Variants in R3HDM2 observed in about 807,000 individuals in gnomAD.
The protein encoded by R3HDM2 is R3H domain-containing protein 2.
Under a neutral mutation model 124.5 loss-of-function variants are expected in R3HDM2, and 38 were observed. That is an observed-to-expected ratio of 0.31 (90% CI 0.24 to 0.40). The LOEUF (loss-of-function observed/expected upper bound fraction) is 0.40, where lower values mean the gene tolerates loss of function less well. R3HDM2 is among the 10% of genes least tolerant of loss of function. The pLI is 1.00. For missense variants in R3HDM2, 869 were observed against 1,236.9 expected (o/e 0.70, Z 4.46); for synonymous variants, 391 against 448.0 (o/e 0.87, Z 1.61).
At chr12:57,284,094 C>A in intron 12 of R3HDM2, 38 bp from the exon 13 acceptor site, 1 of 1,524,560 alleles carries the variant, frequency 6.6e-7, no homozygotes, top group African/African-American at 1.4e-5. Flanking sequence ...CTCCCACCCA[C>A]CACTTTAGCA....
chr12:57,417,050 G>A (rs945282194), intron 1 of R3HDM2, among the ~76,000 whole-genome samples: 5 of 151,656 alleles, frequency 3.3e-5, no homozygotes, highest in Admixed American at 1.3e-4. Flanking sequence ...CCCAGGAGGC[G>A]GAGGTTGCAG....
chr12:57,344,430 G>A (rs1229977968), intron 2 of R3HDM2, among the ~76,000 whole-genome samples: 1 of 152,104 alleles, frequency 6.6e-6, no homozygotes, highest in Non-Finnish European at 1.5e-5. Flanking sequence ...AATTTTCCAG[G>A]ATACAATCTA....
Position 57,407,012 on chromosome 12 carries a change from G to A in R3HDM2, c.-105-11194C>T, listed in dbSNP as rs1023608537. Among the ~76,000 whole-genome samples, 10 of 152,196 alleles carry A rather than the reference G, an allele frequency of 6.6e-5. No homozygotes were observed. The East Asian group carries it at 1.7e-3, about 26-fold the overall frequency. ...GCCTGTAATCCCAGCACTTTGAGAG[G>A]CCAAGGCGGGCGGATTGCTTGCGGT... On this transcript the variant is annotated intron_variant, in intron 1 of 23. Coordinates refer to ENST00000402412, the MANE Select transcript of R3HDM2 (RefSeq NM_001394031.1).
intron 3 of R3HDM2, among the ~76,000 whole-genome samples, chr12:57,309,257 C>T (rs2053409185): frequency 6.6e-6 from 1 of 152,192 alleles, no homozygotes; most frequent in Non-Finnish European, 1.5e-5. Flanking sequence ...TGTTAATTGT[C>T]TGTCTCTTGA....
intron 2 of R3HDM2, among the ~76,000 whole-genome samples, chr12:57,379,972 C>T (rs1383860472): frequency 6.6e-6 from 1 of 152,116 alleles, no homozygotes; most frequent in East Asian, 1.9e-4. Context: ...TACCTGTCTA[C>T]ATAGGCATAC....
intron 2 of R3HDM2, among the ~76,000 whole-genome samples, chr12:57,332,518 G>A (rs897798398): frequency 5.3e-5 from 8 of 151,074 alleles, no homozygotes; most frequent in African/African-American, 1.7e-4. Flanking sequence ...TTCTCAAAAC[G>A]GTCTGCTGCT....
At chr12:57,384,105 T>C (rs2065320573) in intron 2 of R3HDM2, among the ~76,000 whole-genome samples, 2 of 152,244 alleles carry the variant, frequency 1.3e-5, no homozygotes, top group South Asian at 2.1e-4. Flanking sequence ...CTCAAGCCTG[T>C]AATCCCAGCA....
At chr12:57,301,414 A>C (rs2138727532) in intron 4 of R3HDM2, among the ~76,000 whole-genome samples, 2 of 152,380 alleles carry the variant, frequency 1.3e-5, no homozygotes, top group Admixed American at 1.3e-4. Context: ...TAAGTAGTGC[A>C]GTATAGCAGA....
At chr12:57,396,518 C>T (rs1376733182) in intron 1 of R3HDM2, among the ~76,000 whole-genome samples, 1 of 151,882 alleles carries the variant, frequency 6.6e-6, no homozygotes, top group Non-Finnish European at 1.5e-5. Context: ...GTGGCGCACG[C>T]CTGTAATCCC....
intron 2 of R3HDM2, among the ~76,000 whole-genome samples, chr12:57,359,758 T>A (rs2061662098): frequency 6.9e-6 from 1 of 144,346 alleles, no homozygotes; most frequent in Non-Finnish European, 1.6e-5. Context: ...TTTTCTCTCA[T>A]CTTTTAGATT....
chr12:57,269,308 A>C lies in R3HDM2; in HGVS notation c.1714+15T>G. 1 of 1,612,942 alleles carries C rather than the reference A, an allele frequency of 6.2e-7. No individual in the cohort carries two copies. Among genetic ancestry groups the C allele is most frequent in the Non-Finnish European group, 8.5e-7 (1 of 1,179,734 alleles). ...CCCTTATTCACTGCCTTCTTAAACC[A>C]GTGGTTTCTCTTACCAGGCTGCTGG... On this transcript the variant is annotated intron_variant, in intron 16 of 23. Transcript: ENST00000402412.
chr12:57,358,865 T>A (rs1158883699), intron 2 of R3HDM2, among the ~76,000 whole-genome samples: 1 of 151,920 alleles, frequency 6.6e-6, no homozygotes, highest in Non-Finnish European at 1.5e-5. Flanking sequence ...TCCTCCCACC[T>A]CAGCACCCCG....
chr12:57,421,740 C>G (rs952460665), intron 1 of R3HDM2, among the ~76,000 whole-genome samples: 12 of 151,628 alleles, frequency 7.9e-5, no homozygotes, highest in African/African-American at 2.9e-4. Flanking sequence ...GAACTGGGCT[C>G]AAGAGATCCT....
intron 19 of R3HDM2, among the ~76,000 whole-genome samples, chr12:57,264,393 T>TAAA (rs55891769): frequency 6.8e-5 from 7 of 102,532 alleles, no homozygotes; most frequent in African/African-American, 2.6e-4. Flanking sequence ...CTGCCTCTAC[T>TAAA]AAAAAAAAAA....
chr12:57,383,717 A>G (rs2065251869), intron 2 of R3HDM2, among the ~76,000 whole-genome samples: 1 of 151,992 alleles, frequency 6.6e-6, no homozygotes, highest in South Asian at 2.1e-4. Context: ...CAAACAAACA[A>G]AATAATAATA....
intron 2 of R3HDM2, among the ~76,000 whole-genome samples, chr12:57,394,339 T>C (rs1457606271): frequency 1.3e-5 from 2 of 149,976 alleles, no homozygotes; most frequent in African/African-American, 4.9e-5. Flanking sequence ...GGCACGGTGG[T>C]GGCTCATGCC....
At chr12:57,396,200 G>A (rs148264571) in intron 1 of R3HDM2, among the ~76,000 whole-genome samples, 1,829 of 152,174 alleles carry the variant, frequency 0.012, 30 homozygotes, top group African/African-American at 0.042. Flanking sequence ...AGCACTTTGG[G>A]TGGCCGAGGC....
Position 57,429,878 on chromosome 12 carries a change from T to C in R3HDM2, c.-106+842A>G, listed in dbSNP as rs556049476. On this transcript the variant is annotated intron_variant, in intron 1 of 23. Transcript: ENST00000402412. ...AAAAATACAAGAAAATGCTAGGAAT[T>C]TGTGATATTCCTGAAGTGAAACCTG... Among the ~76,000 whole-genome samples, 31 of 152,262 alleles carry C rather than the reference T, an allele frequency of 2.0e-4. 2 individuals carry two copies. Among genetic ancestry groups the C allele is most frequent in the African/African-American group, 7.2e-4 (30 of 41,560 alleles).
At chr12:57,386,546 TCC>T (rs1045542681) in intron 2 of R3HDM2, among the ~76,000 whole-genome samples, 2 of 152,090 alleles carry the variant, frequency 1.3e-5, no homozygotes, top group South Asian at 4.1e-4. Context: ...TGCCTGAGCC[TCC>T]CCCCGCTTCT....
Sources: allele counts gnomAD v4.1 joint callset (sites outside exome capture counted in the v4.1 genomes callset), GRCh38; gene constraint gnomAD v4.1.1; transcripts MANE v1.5; gene names NCBI Gene and HGNC (gene_info 2026-07-23, HGNC 2026-07-21).